The following ENOSF1 variants were observed in gnomAD, a reference collection of about 807,000 sequenced individuals.
The protein encoded by ENOSF1 is mitochondrial enolase superfamily member 1.
In ENOSF1, 73 loss-of-function variants were observed where a neutral mutation model predicts 68.2. The ratio of observed to expected loss-of-function variants is 1.07; its 90% confidence interval spans 0.89 to 1.30. The LOEUF (loss-of-function observed/expected upper bound fraction) is 1.30. Among genes scored for constraint, ENOSF1 ranks in the 50% most tolerant of loss-of-function variants. ENOSF1 has a pLI of 0.00. For missense variants in ENOSF1, 589 were observed against 554.5 expected (o/e 1.06, Z -0.62); for synonymous variants, 223 against 210.4 (o/e 1.06, Z -0.52).
intron 1 of ENOSF1, 32 bp from the exon 2 acceptor site, chr18:706,610 G>A (rs1278630400): frequency 1.3e-6 from 2 of 1,510,714 alleles, no homozygotes; most frequent in East Asian, 2.3e-5. Context: ...CCGAAACAAT[G>A]CCAGTGTGAG....
downstream of ENOSF1, among the ~76,000 whole-genome samples, chr18:667,511 T>C (rs866644710): frequency 4.3e-5 from 2 of 46,032 alleles, no homozygotes; most frequent in African/African-American, 1.6e-4. Context: ...ATGGTGATGG[T>C]GATGGTGATG....
At position 712,621 on chromosome 18, in the gene ENOSF1, G is replaced by T. The variant is rs1366565984; in HGVS notation, c.-34C>A. The T allele has an allele frequency of 2.0e-6, 3 of 1,508,308 alleles. No individual in the cohort carries two copies. Among genetic ancestry groups the T allele is most frequent in the Non-Finnish European group, 2.7e-6 (3 of 1,131,384 alleles). 93.4% of individuals were successfully genotyped at this position (1,508,308 alleles called of 1,614,324 possible). Reference sequence around the variant, plus strand: ...CGCCCCGTGGCCGCGGCCCCCGTGCGGTCAGGACTGGTCGGGATCCCGAGC... The same window carrying T: ...CGCCCCGTGGCCGCGGCCCCCGTGCTGTCAGGACTGGTCGGGATCCCGAGC... On this transcript the variant is annotated 5_prime_UTR_variant, in exon 1 of 16. Coordinates refer to ENST00000647584, the MANE Select transcript of ENOSF1 (RefSeq NM_017512.7).
Position 671,156 on chromosome 18 carries a change from C to T in ENOSF1, c.*3149G>A, listed in dbSNP as rs1329035362. 7 of 614,038 alleles carry T rather than the reference C, an allele frequency of 1.1e-5. No individual in the cohort carries two copies. Among genetic ancestry groups the T allele is most frequent in the Non-Finnish European group, 2.0e-5 (7 of 351,628 alleles). 38.0% of individuals were successfully genotyped at this position (614,038 alleles called of 1,614,324 possible). A position where few individuals can be genotyped will look rare whatever the true frequency, so the allele number is the denominator to read the frequency against. On this transcript the variant is annotated 3_prime_UTR_variant, in exon 16 of 16. Coordinates refer to ENST00000647584, the MANE Select transcript of ENOSF1 (RefSeq NM_017512.7). ...GTATGGTGGCTCATGCCTGTAATCC[C>T]AGCACTTTGGGAGACTGAGACAGGA...
intron 14 of ENOSF1, 32 bp downstream of exon 14, chr18:677,313 G>C (rs775783357): frequency 7.0e-6 from 11 of 1,578,570 alleles, no homozygotes; most frequent in Admixed American, 1.7e-5. Flanking sequence ...GGACCCTACT[G>C]AAACAGAAAG....
At chr18:685,054 G>A (rs1302189927) in intron 10 of ENOSF1, among the ~76,000 whole-genome samples, 2 of 151,990 alleles carry the variant, frequency 1.3e-5, no homozygotes, top group Non-Finnish European at 2.9e-5. Context: ...TTTAGAGAGA[G>A]AGTCTTGCTA....
intron 11 of ENOSF1, 72 bp from the exon 12 acceptor site, chr18:678,809 T>C (rs2075782230): frequency 6.5e-7 from 1 of 1,531,900 alleles, no homozygotes; most frequent in Non-Finnish European, 9.0e-7. Context: ...TTAAAAACAT[T>C]TATAGCTGAA....
chr18:696,926 G>A (rs2077792116), intron 3 of ENOSF1, among the ~76,000 whole-genome samples: 1 of 152,112 alleles, frequency 6.6e-6, no homozygotes, highest in Admixed American at 6.5e-5. Flanking sequence ...AGACCAGCCT[G>A]GCCAACGTGG....
intron 2 of ENOSF1, among the ~76,000 whole-genome samples, chr18:705,042 T>A (rs1012829662): frequency 6.6e-6 from 1 of 152,184 alleles, no homozygotes; most frequent in Non-Finnish European, 1.5e-5. Flanking sequence ...GCAGTGTCCA[T>A]TGAAAGTTCA....
intron 10 of ENOSF1, among the ~76,000 whole-genome samples, chr18:684,985 A>C (rs1376874517): frequency 6.6e-6 from 1 of 151,588 alleles, no homozygotes; most frequent in Non-Finnish European, 1.5e-5. Flanking sequence ...CCATCTTCCA[A>C]AGTAGGAGGG....
chr18:712,321 GGC>G lies in ENOSF1; in HGVS notation c.84+181_84+182del. ...GCCCGGGGCCCGCAGAGCTGCAGTC[GGC>G]GGGGCGGGAGGGACCCGGGCCGCAA... On this transcript the variant is annotated intron_variant, in intron 1 of 15. Transcript: ENST00000647584. 6.7e-5 allele frequency: 20 copies of G among 296,760 alleles called. 8 individuals carry two copies. The highest frequency in any genetic ancestry group is 4.5e-4 in the South Asian group (8 of 17,924). The allele number at this position is 296,760 out of a possible 1,614,324, so 18.4% of individuals were successfully genotyped here.
downstream of ENOSF1, chr18:669,113 G>T (rs777163457): frequency 1.2e-6 from 2 of 1,614,196 alleles, no homozygotes; most frequent in South Asian, 1.1e-5. Context: ...AAGAGTGATT[G>T]ACACCATCAA....
At chr18:692,572 G>T in intron 5 of ENOSF1, 1 of 399,250 alleles carries the variant, frequency 2.5e-6, no homozygotes, top group Non-Finnish European at 3.4e-6. Context: ...ACTGTAGCCT[G>T]GGCAACAAGA....
Position 678,745 on chromosome 18 carries a change from A to G in ENOSF1, c.877-8T>C. ...TCCTAATGGGACCAGTGCCTATAAA[A>G]TAGAAGGCAGCCTGGTGTTATTTTC... On this transcript the variant is annotated splice_polypyrimidine_tract_variant and splice_region_variant and intron_variant, in intron 11 of 15. Transcript: ENST00000647584. The G allele has an allele frequency of 2.5e-6, 4 of 1,614,174 alleles. No individual in the cohort carries two copies. Among genetic ancestry groups the G allele is most frequent in the Non-Finnish European group, 3.4e-6 (4 of 1,179,990 alleles).
At chr18:685,214 A>G (rs1323763539) in intron 10 of ENOSF1, among the ~76,000 whole-genome samples, 1 of 151,962 alleles carries the variant, frequency 6.6e-6, no homozygotes, top group African/African-American at 2.4e-5. Context: ...CCATGTTGCC[A>G]GGCTGATCTT....
chr18:667,394 AGATGGT>A (rs1567990495), downstream of ENOSF1, among the ~76,000 whole-genome samples: 40 of 5,980 alleles, frequency 6.7e-3, 4 homozygotes, highest in Non-Finnish European at 0.01. Context: ...ATGGTGATGG[AGATGGT>A]GATGGTGATG....
intron 2 of ENOSF1, among the ~76,000 whole-genome samples, chr18:700,316 G>C: frequency 6.6e-6 from 1 of 152,132 alleles, no homozygotes; most frequent in East Asian, 1.9e-4. Context: ...TGATGCTCTT[G>C]AATTAAAGAA....
rs374563667 is a variant in ENOSF1 at position 697,332 on chromosome 18, C to T, written c.217G>A (p.Ala73Thr). 1.7e-5 allele frequency: 28 copies of T among 1,613,532 alleles called. No homozygotes were observed. The highest frequency in any genetic ancestry group is 1.5e-4 in the South Asian group (14 of 91,050). ...AGGTCCTTGTTGAGCACATGGTGGG[C>T]GAGGGCATTCACAGCACAGACAACT... ...EVVVCAVNAL[A>T]HHVLNKDLKD... Residue 73 changes from alanine to threonine, a missense_variant, in exon 3 of 16, where the codon GCC becomes ACC. Ala to Thr is a moderately conservative substitution (Grantham distance 58, BLOSUM62 0). Coordinates refer to ENST00000647584, the MANE Select transcript of ENOSF1 (RefSeq NM_017512.7).
intron 13 of ENOSF1, 81 bp downstream of exon 13, chr18:677,662 T>C: frequency 2.6e-6 from 4 of 1,518,516 alleles, no homozygotes; most frequent in East Asian, 2.3e-5. Flanking sequence ...CTCCCATGCA[T>C]GTGAATTGCA....
At chr18:691,464 GCCT>G (rs2077165094) in intron 5 of ENOSF1, 188 bp from the exon 6 acceptor site, 1 of 564,432 alleles carries the variant, frequency 1.8e-6, no homozygotes, top group South Asian at 2.3e-5. Flanking sequence ...TCCTGCCTCA[GCCT>G]CCTGAGTAGC....
Sources: allele counts gnomAD v4.1 joint callset (sites outside exome capture counted in the v4.1 genomes callset), GRCh38; gene constraint gnomAD v4.1.1; transcripts MANE v1.5; gene names NCBI Gene and HGNC (gene_info 2026-07-23, HGNC 2026-07-21).